DRD3: variants seen among roughly 807,000 people sequenced by gnomAD.
DRD3 encodes the protein D(3) dopamine receptor.
DRD3 carries 19 observed loss-of-function variants against 36.3 expected under a neutral mutation model. The ratio of observed to expected loss-of-function variants is 0.52; its 90% confidence interval spans 0.36 to 0.77. DRD3 has a LOEUF of 0.77. DRD3 is among the 30% of genes least tolerant of loss of function. The probability of loss-of-function intolerance (pLI) is 0.00; values close to 1 mark genes in which losing one functional copy is unlikely to be tolerated. For missense variants in DRD3, 465 were observed against 505.3 expected (o/e 0.92, Z 0.77); for synonymous variants, 195 against 203.7 (o/e 0.96, Z 0.36).
intron 2 of DRD3, among the ~76,000 whole-genome samples, chr3:114,170,048 C>A (rs1411632171): frequency 6.6e-6 from 1 of 152,172 alleles, no homozygotes; most frequent in Non-Finnish European, 1.5e-5. Flanking sequence ...TGGACAAAAA[C>A]ATTTTAGGAA....
intron 1 of DRD3, among the ~76,000 whole-genome samples, chr3:114,196,580 T>C (rs1210378779): frequency 6.6e-6 from 1 of 152,224 alleles, no homozygotes; most frequent in Non-Finnish European, 1.5e-5. Flanking sequence ...AAAGTGGCTG[T>C]ACTATTTTAC....
intron 1 of DRD3, among the ~76,000 whole-genome samples, chr3:114,177,396 A>T (rs1399184281): frequency 6.6e-6 from 1 of 152,158 alleles, no homozygotes; most frequent in Non-Finnish European, 1.5e-5. Context: ...AGTAGCTAAG[A>T]TAACAGTTTT....
intron 3 of DRD3, among the ~76,000 whole-genome samples, chr3:114,148,707 C>G (rs901151914): frequency 6.6e-6 from 1 of 152,068 alleles, no homozygotes; most frequent in Non-Finnish European, 1.5e-5. Context: ...AAGTTGCTTG[C>G]TTGCTTATTT....
In DRD3 at chr3:114,139,507, G is replaced by C. The variant is rs748608444; in HGVS notation, c.716C>G (p.Pro239Arg). 3 of 1,613,120 alleles carry C rather than the reference G, an allele frequency of 1.9e-6. No homozygotes were observed. The African/African-American group carries it at 4.0e-5, about 22-fold the overall frequency. The change falls in exon 5 of 7, where the codon CCC becomes CGC. Residue 239 changes from proline to arginine, a missense_variant. Pro to Arg is a moderately radical substitution (Grantham distance 103). Transcript: ENST00000383673. ...SQCNSVRPGF[P>R]QQTLSPDPAH... The stretch of plus-strand genomic sequence containing the variant: ...CCCCTCCAGGGTACTTACTTGCTGG[G>C]GGAAGCCAGGCCTGACACTGTTGCA...
chr3:114,141,215 G>T (rs2077520953), intron 4 of DRD3, among the ~76,000 whole-genome samples: 1 of 152,058 alleles, frequency 6.6e-6, no homozygotes, highest in Non-Finnish European at 1.5e-5. Flanking sequence ...TGTATTTTTA[G>T]TAGAGAAGGG....
intron 1 of DRD3, among the ~76,000 whole-genome samples, chr3:114,193,420 G>A (rs1272905439): frequency 6.6e-6 from 1 of 152,218 alleles, no homozygotes; most frequent in African/African-American, 2.4e-5. Context: ...CAAGCCAACA[G>A]TTGAATGCTT....
intron 5 of DRD3, among the ~76,000 whole-genome samples, chr3:114,137,794 A>C (rs1424598841): frequency 6.6e-6 from 1 of 151,180 alleles, no homozygotes; most frequent in African/African-American, 2.4e-5. Context: ...GATCGAGACC[A>C]TCCTGGCTAA....
In DRD3 at chr3:114,147,516, G is replaced by C. The variant is rs570384234; in HGVS notation, c.425C>G (p.Thr142Arg). 1 of 1,614,092 alleles carries C rather than the reference G, an allele frequency of 6.2e-7. No homozygotes were observed. Among genetic ancestry groups the C allele is most frequent in the Admixed American group, 1.7e-5 (1 of 60,018 alleles). Residue 142 changes from threonine (T) to arginine (R), a missense_variant, in exon 4 of 7, where the codon ACG (threonine) becomes AGG (arginine). Coordinates refer to ENST00000383673, the MANE Select transcript of DRD3 (RefSeq NM_000796.6). ...VVMPVHYQHG[T>R]GQSSCRRVAL... ...CACGCGCCGACAGGAGCTCTGTCCC[G>C]TGCCATGCTGGTAGTGAACGGGCAT... is the stretch of plus-strand genomic sequence containing the variant.
At chr3:114,187,674 A>G (rs1030216058) in intron 1 of DRD3, among the ~76,000 whole-genome samples, 19 of 152,318 alleles carry the variant, frequency 1.2e-4, no homozygotes, top group African/African-American at 4.3e-4. Flanking sequence ...GGCATTTGGT[A>G]TCACTAGAAC....
intron 6 of DRD3, among the ~76,000 whole-genome samples, chr3:114,130,329 A>G (rs1460827990): frequency 6.6e-6 from 1 of 152,174 alleles, no homozygotes; most frequent in Non-Finnish European, 1.5e-5. Flanking sequence ...ACAAGTAGGA[A>G]AAAAGGAATA....
At chr3:114,177,288 A>G (rs2077909111) in intron 1 of DRD3, among the ~76,000 whole-genome samples, 1 of 152,200 alleles carries the variant, frequency 6.6e-6, no homozygotes, top group African/African-American at 2.4e-5. Context: ...TTTCCTGAAA[A>G]AGATTCACAA....
intron 2 of DRD3, among the ~76,000 whole-genome samples, chr3:114,170,657 A>AT (rs5851917): frequency 1 from 152,303 of 152,310 alleles, 76,148 homozygotes; most frequent in Non-Finnish European, 1. Context: ...GTTCCCAGCC[A>AT]TCTTTAACAA....
chr3:114,159,221 A>G (rs749626970), intron 3 of DRD3, among the ~76,000 whole-genome samples: 2 of 152,154 alleles, frequency 1.3e-5, no homozygotes, highest in Admixed American at 6.5e-5. Flanking sequence ...TCTAAGCTCT[A>G]TGAGAGAAAC....
intron 2 of DRD3, among the ~76,000 whole-genome samples, chr3:114,170,669 G>A (rs1310239792): frequency 6.6e-6 from 1 of 151,550 alleles, no homozygotes; most frequent in African/African-American, 2.4e-5. Flanking sequence ...CTTTAACAAA[G>A]GTATTAGCAC....
At chr3:114,173,612 G>T (rs1162182423) in intron 1 of DRD3, among the ~76,000 whole-genome samples, 1 of 152,146 alleles carries the variant, frequency 6.6e-6, no homozygotes, top group Non-Finnish European at 1.5e-5. Context: ...AAGAGGCCAG[G>T]GTCCCTGAAG....
intron 5 of DRD3, 141 bp from the exon 6 acceptor site, chr3:114,131,541 G>T: frequency 8.4e-7 from 1 of 1,186,306 alleles, no homozygotes; most frequent in Non-Finnish European, 1.2e-6. Context: ...ATCTGAGGGA[G>T]TGGTGGGACC....
At chr3:114,165,232 G>A (rs898046415) in intron 2 of DRD3, among the ~76,000 whole-genome samples, 1 of 152,086 alleles carries the variant, frequency 6.6e-6, no homozygotes, top group Non-Finnish European at 1.5e-5. Context: ...TATAAGTGAT[G>A]TTTCAAGATG....
rs1472202736 is a variant in DRD3 at position 114,131,192 on chromosome 3, T to A, written c.932A>T (p.Lys311Met). ...TCCCCGAGGTTGCAGGGGCCCCAGCTTCAAAGATGTCGATAATCTGCCATT... is the reference window on the plus strand; with the variant it reads ...TCCCCGAGGTTGCAGGGGCCCCAGCATCAAAGATGTCGATAATCTGCCATT... ...LSNGRLSTSL[K>M]LGPLQPRGVP... Residue 311 changes from lysine to methionine, a missense_variant, in exon 6 of 7, where the codon AAG becomes ATG. Coordinates refer to ENST00000383673, the MANE Select transcript of DRD3 (RefSeq NM_000796.6). 3 of 1,614,098 alleles carry A rather than the reference T, an allele frequency of 1.9e-6. No homozygotes were observed. The highest frequency in any genetic ancestry group is 1.7e-5 in the Admixed American group (1 of 60,012).
At chr3:114,139,416 G>C (rs9828046) in intron 5 of DRD3, 84 bp downstream of exon 5, 2 of 1,334,968 alleles carry the variant, frequency 1.5e-6, no homozygotes, top group Non-Finnish European at 2.0e-6. Flanking sequence ...TTAGCTAAAC[G>C]GCAAAATCAT....
Sources: gnomAD v4.1 joint callset for allele counts (sites outside exome capture counted in the v4.1 genomes callset) on GRCh38, gnomAD v4.1.1 for gene constraint, MANE v1.5 for transcripts, NCBI Gene and HGNC (gene_info 2026-07-23, HGNC 2026-07-21) for gene names.